The following SLIT3 variants were observed in gnomAD, a reference collection of about 807,000 sequenced individuals.
The protein encoded by SLIT3 is slit guidance ligand 3, also known as slit homolog 3 protein.
A neutral mutation model predicts 184.0 loss-of-function variants in SLIT3; 68 were observed. The ratio of observed to expected loss-of-function variants is 0.37; its 90% CI spans 0.30 to 0.45. SLIT3 has a LOEUF of 0.45. SLIT3 is among the 20% of genes least tolerant of loss of function. The pLI is 1.00. For synonymous variants in SLIT3, 831 were observed against 828.6 expected, an observed-to-expected ratio of 1.00 and a Z score of -0.05; for missense variants, 1,707 against 2,026.0, an observed-to-expected ratio of 0.84 and a Z score of 3.02.
Position 168,666,422 on chromosome 5 carries a change from G to A in SLIT3, c.*32C>T. On this transcript the variant is annotated 3_prime_UTR_variant, in exon 36 of 36. Coordinates refer to ENST00000519560, the MANE Select transcript of SLIT3 (RefSeq NM_003062.4). ...GCTGTCCCAACTCCATCAAGCTGGA[G>A]TCCGAGAGGTGGCAGGCAGGCGGGC... is the stretch of plus-strand genomic sequence containing the variant. 2.0e-6 allele frequency: 3 copies of A among 1,519,838 alleles called. No homozygotes were observed. Among genetic ancestry groups the A allele is most frequent in the East Asian group, 2.3e-5 (1 of 43,648 alleles). 94.1% of individuals were successfully genotyped at this position (1,519,838 alleles called of 1,614,324 possible). A position where few individuals can be genotyped will look rare whatever the true frequency, so the allele number is the denominator to read the frequency against.
chr5:168,827,464 C>T (rs1434117735), intron 6 of SLIT3, among the ~76,000 whole-genome samples: 1 of 152,208 alleles, frequency 6.6e-6, no homozygotes, highest in African/African-American at 2.4e-5. Flanking sequence ...AACACAGCTC[C>T]AAACAGCCAT....
chr5:169,288,272 G>C (rs1294229719), intron 1 of SLIT3, among the ~76,000 whole-genome samples: 2 of 152,192 alleles, frequency 1.3e-5, no homozygotes, highest in South Asian at 2.1e-4. Context: ...TGCAGAACTT[G>C]TGCTGTTTGC....
intron 4 of SLIT3, among the ~76,000 whole-genome samples, chr5:168,931,092 G>A (rs555679679): frequency 9.2e-5 from 14 of 152,104 alleles, no homozygotes; most frequent in African/African-American, 3.1e-4. Flanking sequence ...GGGAAAACTC[G>A]GGGGACTCTC....
chr5:168,816,035 A>G (rs375206893), intron 8 of SLIT3, among the ~76,000 whole-genome samples: 4 of 152,248 alleles, frequency 2.6e-5, no homozygotes, highest in South Asian at 4.1e-4. Flanking sequence ...TTCTCAACTG[A>G]ATGCTTTCTG....
intron 4 of SLIT3, chr5:169,022,668 C>G (rs545217782): frequency 6.6e-6 from 1 of 152,228 alleles, no homozygotes; most frequent in South Asian, 2.1e-4. Flanking sequence ...CTAAAAGCAT[C>G]TTACTAAATG....
At chr5:168,729,836 C>T (rs1439887593) in intron 20 of SLIT3, among the ~76,000 whole-genome samples, 1 of 151,860 alleles carries the variant, frequency 6.6e-6, no homozygotes, top group Non-Finnish European at 1.5e-5. Flanking sequence ...AACTTGAAAA[C>T]AATCAACAAT....
chr5:169,122,719 G>T (rs1413014358), intron 4 of SLIT3, among the ~76,000 whole-genome samples: 1 of 152,096 alleles, frequency 6.6e-6, no homozygotes, highest in East Asian at 1.9e-4. Context: ...CATTCTATTG[G>T]CACCACAGGG....
intron 14 of SLIT3, among the ~76,000 whole-genome samples, chr5:168,771,854 G>T (rs865901139): frequency 9.8e-5 from 15 of 152,306 alleles, no homozygotes; most frequent in South Asian, 8.3e-4. Flanking sequence ...AGACTCGCCT[G>T]CATCAGAAGC....
intron 9 of SLIT3, among the ~76,000 whole-genome samples, chr5:168,804,321 A>AC (rs1756879268): frequency 6.7e-6 from 1 of 149,574 alleles, no homozygotes; most frequent in Non-Finnish European, 1.5e-5. Context: ...AAAAAAAAAA[A>AC]AAAAAAAAAA....
chr5:168,721,929 A>G (rs1045262826), intron 23 of SLIT3, among the ~76,000 whole-genome samples: 18 of 152,208 alleles, frequency 1.2e-4, no homozygotes, highest in African/African-American at 4.3e-4. Context: ...CACTATGCTC[A>G]ATACTAGAGG....
intron 4 of SLIT3, among the ~76,000 whole-genome samples, chr5:169,035,109 G>A (rs1255035110): frequency 1.3e-5 from 2 of 151,972 alleles, no homozygotes; most frequent in African/African-American, 4.8e-5. Context: ...TATGTGAACT[G>A]AGACTTAGAA....
intron 3 of SLIT3, among the ~76,000 whole-genome samples, chr5:169,204,061 AGAG>A (rs1763987291): frequency 6.6e-6 from 1 of 152,142 alleles, no homozygotes; most frequent in Non-Finnish European, 1.5e-5. Context: ...AGACAAGGCA[AGAG>A]GAGTGTGGAC....
intron 5 of SLIT3, among the ~76,000 whole-genome samples, chr5:168,860,248 T>G (rs1422767820): frequency 1.3e-5 from 2 of 152,190 alleles, no homozygotes; most frequent in Non-Finnish European, 2.9e-5. Context: ...AAGTAAGGAC[T>G]TGATTGCTAA....
chr5:168,815,427 T>G (rs1757306412), intron 8 of SLIT3, among the ~76,000 whole-genome samples: 1 of 152,364 alleles, frequency 6.6e-6, no homozygotes, highest in Middle Eastern at 3.4e-3. Context: ...TTTATCATTC[T>G]AATTAGTTTT....
intron 4 of SLIT3, among the ~76,000 whole-genome samples, chr5:168,930,008 C>T (rs1003405017): frequency 2.6e-5 from 4 of 152,172 alleles, no homozygotes; most frequent in South Asian, 2.1e-4. Flanking sequence ...AGTGAGCCCA[C>T]GGACTTGCAG....
In SLIT3 at chr5:168,685,762, G is replaced by C. The variant is rs1761723325; in HGVS notation, c.3480C>G (p.Val1160=). The C allele has an allele frequency of 6.2e-7, 1 of 1,609,304 alleles. No individual in the cohort carries two copies. The highest frequency in any genetic ancestry group is 1.3e-5 in the African/African-American group (1 of 75,008). The change falls in exon 31 of 36, where the codon GTC becomes GTG. Residue 1160 remains valine (V), a synonymous_variant. Transcript: ENST00000519560. ...CGTAGGAGTCTTTGCCCACGAAGTT[G>C]ACAGTGATGAGCTTCTCGCATCTGG... ...AGPRCEKLIT[V]NFVGKDSYVE... is the part of the protein sequence containing the mutation.
chr5:168,883,581 G>C (rs1024600012), intron 4 of SLIT3, among the ~76,000 whole-genome samples: 5 of 152,180 alleles, frequency 3.3e-5, no homozygotes, highest in Non-Finnish European at 7.3e-5. Context: ...GGGTGGTCTC[G>C]CACCTCCAGG....
At chr5:168,921,681 G>A (rs1761639933) in intron 4 of SLIT3, among the ~76,000 whole-genome samples, 1 of 152,166 alleles carries the variant, frequency 6.6e-6, no homozygotes, top group South Asian at 2.1e-4. Flanking sequence ...TGCATCTCCT[G>A]TCCCGGCTCC....
intron 3 of SLIT3, among the ~76,000 whole-genome samples, chr5:169,203,990 TAGAG>T (rs1263793023): frequency 2.6e-5 from 4 of 152,006 alleles, no homozygotes; most frequent in Admixed American, 2.6e-4. Flanking sequence ...AAGACCAAGA[TAGAG>T]AGATGTAGGT....
Sources: gnomAD v4.1 joint callset for allele counts (sites outside exome capture counted in the v4.1 genomes callset) on GRCh38, gnomAD v4.1.1 for gene constraint, MANE v1.5 for transcripts, NCBI Gene and HGNC (gene_info 2026-07-23, HGNC 2026-07-21) for gene names.